NRG2: variants seen among roughly 807,000 people sequenced by gnomAD.
NRG2 encodes the protein neuregulin 2.
NRG2 carries 27 observed loss-of-function variants against 73.9 expected under a neutral mutation model. The ratio of observed to expected loss-of-function variants is 0.37; its 90% CI spans 0.27 to 0.50. The LOEUF (loss-of-function observed/expected upper bound fraction) is 0.50, where lower values mean the gene tolerates loss of function less well. Among genes scored for constraint, NRG2 ranks in the 20% least tolerant of loss-of-function variants. The probability of loss-of-function intolerance (pLI) is 0.96; values close to 1 mark genes in which losing one functional copy is unlikely to be tolerated. For synonymous variants in NRG2, 532 were observed against 541.0 expected (o/e 0.98, Z 0.23); for missense variants, 1,126 against 1,210.1 (o/e 0.93, Z 1.03).
intron 1 of NRG2, among the ~76,000 whole-genome samples, chr5:140,017,513 T>C (rs1302758330): frequency 6.6e-6 from 1 of 151,600 alleles, no homozygotes; most frequent in Non-Finnish European, 1.5e-5. Context: ...ACTAAGGAGG[T>C]AACATAATGG....
chr5:139,860,887 G>T (rs188515880), intron 5 of NRG2, among the ~76,000 whole-genome samples: 1 of 152,248 alleles, frequency 6.6e-6, no homozygotes, highest in African/African-American at 2.4e-5. Flanking sequence ...TCTCTGTTAC[G>T]TGGGGATCAG....
In NRG2 at chr5:139,847,646, CTT is replaced by C. The variant is rs966824616; in HGVS notation, c.*269_*270del. ...AGAGTCAAAAAATTGGCCCATCTCT[CTT>C]TTTTTTTTGTTGTTTCTTTTTTTTT... On this transcript the variant is annotated 3_prime_UTR_variant, in exon 10 of 10. Transcript: ENST00000361474. The C allele has an allele frequency of 1.8e-5, 5 of 275,334 alleles. No homozygotes were observed. Among genetic ancestry groups the C allele is most frequent in the Non-Finnish European group, 2.6e-5 (4 of 152,092 alleles). The allele number at this position is 275,334 out of a possible 1,614,324, so 17.1% of individuals were successfully genotyped here.
chr5:139,863,709 A>T (rs910095313), intron 5 of NRG2, among the ~76,000 whole-genome samples: 1 of 152,128 alleles, frequency 6.6e-6, no homozygotes, highest in Admixed American at 6.5e-5. Context: ...ACAGTCCTGC[A>T]CTCAGGGCTG....
At chr5:139,850,361 C>T (rs950137734) in intron 9 of NRG2, among the ~76,000 whole-genome samples, 2 of 152,246 alleles carry the variant, frequency 1.3e-5, no homozygotes, top group African/African-American at 4.8e-5. Context: ...AATCTGGCTA[C>T]TTCCCAGAGC....
chr5:139,939,641 A>G (rs1753237983), intron 1 of NRG2, among the ~76,000 whole-genome samples: 1 of 152,214 alleles, frequency 6.6e-6, no homozygotes, highest in Non-Finnish European at 1.5e-5. Flanking sequence ...TTCAAAATTT[A>G]AAACTTCTGC....
intron 1 of NRG2, among the ~76,000 whole-genome samples, chr5:140,012,305 G>A (rs1366580098): frequency 6.6e-6 from 1 of 152,114 alleles, no homozygotes; most frequent in Admixed American, 6.5e-5. Context: ...CAGCAATTAT[G>A]CCATCATGCC....
chr5:139,953,385 T>A (rs1561704747), intron 1 of NRG2, among the ~76,000 whole-genome samples: 3 of 152,216 alleles, frequency 2.0e-5, no homozygotes, highest in Admixed American at 2.0e-4. Context: ...TCTGCCTTCA[T>A]GAAGCCAGGC....
chr5:139,853,168 C>A lies in NRG2; in HGVS notation c.1293-141G>T. 1 of 1,119,160 alleles carries A rather than the reference C, an allele frequency of 8.9e-7. No individual in the cohort carries two copies. Among genetic ancestry groups the A allele is most frequent in the African/African-American group, 1.6e-5 (1 of 63,790 alleles). 69.3% of individuals were successfully genotyped at this position (1,119,160 alleles called of 1,614,324 possible). On this transcript the variant is annotated intron_variant, in intron 6 of 9. Transcript: ENST00000361474. This position sits in a 1 kb window ranked among gnomAD's most constrained non-coding sequence, Gnocchi z 4.1. ...CTGCTCGTCCCTGTACTCAAGCTGC[C>A]CTACAGCATCACTACCACCTGAATC...
chr5:140,036,225 G>A (rs757924222), intron 1 of NRG2, among the ~76,000 whole-genome samples: 81 of 152,188 alleles, frequency 5.3e-4, no homozygotes, highest in African/African-American at 1.8e-3. Context: ...AGCCAGAGAA[G>A]GAAGGCTCCT....
intron 1 of NRG2, among the ~76,000 whole-genome samples, chr5:139,900,878 T>C (rs1171853588): frequency 6.6e-6 from 1 of 152,226 alleles, no homozygotes; most frequent in Non-Finnish European, 1.5e-5. Context: ...AGGCAGCACC[T>C]TGGGATTCCT....
At chr5:139,970,468 C>T (rs568618687) in intron 1 of NRG2, among the ~76,000 whole-genome samples, 3 of 152,150 alleles carry the variant, frequency 2.0e-5, no homozygotes, top group African/African-American at 7.2e-5. Context: ...GAGTGAGCCA[C>T]TAGAAGATGC....
intron 2 of NRG2, among the ~76,000 whole-genome samples, chr5:139,885,497 C>T (rs553313634): frequency 5.0e-4 from 76 of 152,276 alleles, no homozygotes; most frequent in African/African-American, 1.8e-3. Flanking sequence ...CGAGAGTGCG[C>T]AGTCAGTGGG....
intron 1 of NRG2, among the ~76,000 whole-genome samples, chr5:139,930,923 C>T (rs1752425651): frequency 6.6e-6 from 1 of 152,202 alleles, no homozygotes; most frequent in African/African-American, 2.4e-5. Context: ...CGGTAACAGT[C>T]AGACTAGTGG....
intron 1 of NRG2, among the ~76,000 whole-genome samples, chr5:140,027,539 T>C (rs998955179): frequency 6.6e-6 from 1 of 152,228 alleles, no homozygotes; most frequent in Non-Finnish European, 1.5e-5. Context: ...TTTCCACGGT[T>C]TAATACAATA....
At chr5:140,039,935 A>G (rs1761791701) in intron 1 of NRG2, among the ~76,000 whole-genome samples, 1 of 152,250 alleles carries the variant, frequency 6.6e-6, no homozygotes, top group Non-Finnish European at 1.5e-5. Context: ...TTAGAATAGA[A>G]AACAGAAAAT....
chr5:140,042,980 G>T lies in NRG2; in HGVS notation c.90C>A (p.Ser30Arg). Residue 30 changes from serine to arginine, a missense_variant, in exon 1 of 10, where the codon AGC becomes AGA. Ser to Arg is a moderately radical substitution (Grantham distance 110). This residue lies in a region of NRG2 where 185 missense variants were observed against 149.0 expected (regional missense o/e 1.24). Transcript: ENST00000361474. ...SSYSDSSSSS[S>R]ERSSSSSSSS... ...TGCTGCTGCTGCTGCTGCTCCTCTC[G>T]CTGCTGCTGCTGCTGCTGTCGCTGT... is the stretch of plus-strand genomic sequence containing the variant. 1 of 1,422,540 alleles carries T rather than the reference G, an allele frequency of 7.0e-7. No individual in the cohort carries two copies. 88.1% of individuals were successfully genotyped at this position (1,422,540 alleles called of 1,614,324 possible). A position where few individuals can be genotyped will look rare whatever the true frequency, so the allele number is the denominator to read the frequency against.
chr5:139,878,256 A>G (rs563179286), intron 3 of NRG2, among the ~76,000 whole-genome samples: 1 of 152,362 alleles, frequency 6.6e-6, no homozygotes, highest in African/African-American at 2.4e-5. Context: ...CCCTGTGCAC[A>G]CACAGACAGG....
intron 1 of NRG2, among the ~76,000 whole-genome samples, chr5:139,967,017 C>A (rs1367822330): frequency 1.3e-5 from 2 of 152,132 alleles, no homozygotes; most frequent in Admixed American, 1.3e-4. Context: ...AACTTATTTG[C>A]CCCTTGCTCC....
intron 1 of NRG2, among the ~76,000 whole-genome samples, chr5:139,916,806 G>C (rs912643249): frequency 2.0e-5 from 3 of 152,134 alleles, no homozygotes. Context: ...TCAGTTGATG[G>C]ACATTTGGAT....
Sources: gnomAD v4.1 joint callset for allele counts (sites outside exome capture counted in the v4.1 genomes callset) on GRCh38, gnomAD v4.1.1 for gene constraint, gnomAD v4.1.1 regional missense constraint, Gnocchi (gnomAD v3.1) non-coding constraint, MANE v1.5 for transcripts, NCBI Gene and HGNC (gene_info 2026-07-23, HGNC 2026-07-21) for gene names.